ADGB: variants seen among roughly 807,000 people sequenced by gnomAD.
The protein encoded by ADGB is calpain-7-like protein.
ADGB carries 172 observed loss-of-function variants against 210.5 expected under a neutral mutation model. That is an observed-to-expected ratio of 0.82 (90% CI 0.72 to 0.93). ADGB has a LOEUF of 0.93. Ranked by LOEUF, ADGB falls within the 40% of genes least tolerant of loss-of-function variation. The probability of loss-of-function intolerance (pLI) is 0.00; values close to 1 mark genes in which losing one functional copy is unlikely to be tolerated. For synonymous variants in ADGB, 658 were observed against 662.7 expected (o/e 0.99, Z 0.11); for missense variants, 2,025 against 1,964.8 (o/e 1.03, Z -0.58).
Position 146,784,656 on chromosome 6 carries a change from A to G in ADGB, c.4074A>G (p.Lys1358=). The G allele has an allele frequency of 6.4e-7, 1 of 1,550,790 alleles. No homozygotes were observed. Among genetic ancestry groups the G allele is most frequent in the Non-Finnish European group, 8.7e-7 (1 of 1,146,550 alleles). The change falls in exon 31 of 36, where the codon AAA becomes AAG. Residue 1358 remains lysine, a synonymous_variant. Coordinates refer to ENST00000397944, the MANE Select transcript of ADGB (RefSeq NM_024694.4). ...TVHPQQEDPN[K]PYWILRLVTE... ...ACCCTCAACAAGAAGACCCAAATAAACCCTACTGGATTTTGAGGTTGGTCA... is the reference window on the plus strand; with the variant it reads ...ACCCTCAACAAGAAGACCCAAATAAGCCCTACTGGATTTTGAGGTTGGTCA...
At chr6:146,778,292 G>A (rs1228861459) in intron 29 of ADGB, among the ~76,000 whole-genome samples, 1 of 152,140 alleles carries the variant, frequency 6.6e-6, no homozygotes, top group African/African-American at 2.4e-5. Context: ...GCAACACCTG[G>A]AGGCAGGGGA....
chr6:146,752,677 T>C lies in ADGB; in HGVS notation c.3513T>C (p.Phe1171=). ...AAGGCCAAGCTATAATCCCAGCATT[T>C]CACTTCTTGAAGAGTGAGAAAGGTT... ...TGKGQAIIPA[F]HFLKSEKGLS... is the part of the protein sequence containing the mutation. Residue 1171 remains phenylalanine, a synonymous_variant, in exon 27 of 36, where the codon TTT becomes TTC. Coordinates refer to ENST00000397944, the MANE Select transcript of ADGB (RefSeq NM_024694.4). The C allele has an allele frequency of 6.4e-7, 1 of 1,550,726 alleles. No homozygotes were observed. The highest frequency in any genetic ancestry group is 2.4e-5 in the East Asian group (1 of 40,892).
At chr6:146,737,687 G>A (rs1777099833) in intron 23 of ADGB, among the ~76,000 whole-genome samples, 1 of 152,032 alleles carries the variant, frequency 6.6e-6, no homozygotes, top group African/African-American at 2.4e-5. Flanking sequence ...TGTATTTTGG[G>A]GCTACCAGGA....
chr6:146,713,004 T>C (rs974939051), intron 13 of ADGB, among the ~76,000 whole-genome samples: 1 of 151,808 alleles, frequency 6.6e-6, no homozygotes, highest in Non-Finnish European at 1.5e-5. Context: ...AATAATAAAG[T>C]ATTTCTGTTT....
At chr6:146,661,174 A>G (rs1352289702) in intron 5 of ADGB, among the ~76,000 whole-genome samples, 2 of 150,722 alleles carry the variant, frequency 1.3e-5, no homozygotes, top group Non-Finnish European at 3.0e-5. Context: ...CTCCTTTTCT[A>G]ATATAGCTTT....
At chr6:146,691,449 T>TATAAA (rs1776317889) in intron 11 of ADGB, among the ~76,000 whole-genome samples, 159 bp downstream of exon 11, 1 of 55,980 alleles carries the variant, frequency 1.8e-5, no homozygotes, top group Non-Finnish European at 2.6e-5. Flanking sequence ...TATAAAAATA[T>TATAAA]ATATATATAA....
chr6:146,691,467 T>A (rs9403806), intron 11 of ADGB, among the ~76,000 whole-genome samples, 177 bp downstream of exon 11: 7 of 58,052 alleles, frequency 1.2e-4, no homozygotes, highest in African/African-American at 9.7e-4. Flanking sequence ...TAAAAATATA[T>A]ATATATATAA....
intron 13 of ADGB, among the ~76,000 whole-genome samples, chr6:146,705,955 T>TC (rs1390464763): frequency 2.0e-5 from 3 of 152,088 alleles, no homozygotes; most frequent in Non-Finnish European, 4.4e-5. Context: ...ATAGGGTCTT[T>TC]CCCTGTTGCC....
intron 17 of ADGB, among the ~76,000 whole-genome samples, 199 bp from the exon 18 acceptor site, chr6:146,723,987 T>C (rs1022173378): frequency 1.3e-5 from 2 of 152,106 alleles, no homozygotes; most frequent in African/African-American, 2.4e-5. Flanking sequence ...AGGAAGAATA[T>C]TGAACAGGGA....
At chr6:146,716,104 A>G (rs1776729328) in intron 14 of ADGB, among the ~76,000 whole-genome samples, 1 of 152,054 alleles carries the variant, frequency 6.6e-6, no homozygotes, top group South Asian at 2.1e-4. Context: ...TAAATATAAA[A>G]TAAGGCTCTA....
intron 1 of ADGB, among the ~76,000 whole-genome samples, chr6:146,620,062 C>T (rs1237133386): frequency 6.6e-6 from 1 of 152,072 alleles, no homozygotes; most frequent in Non-Finnish European, 1.5e-5. Flanking sequence ...TACTGTTTGG[C>T]AGTATTTTTT....
intron 1 of ADGB, among the ~76,000 whole-genome samples, chr6:146,600,940 A>G (rs895138357): frequency 1.5e-4 from 22 of 151,492 alleles, no homozygotes; most frequent in African/African-American, 4.4e-4. Flanking sequence ...ACACACACAC[A>G]CACACACACA....
intron 3 of ADGB, among the ~76,000 whole-genome samples, chr6:146,645,830 T>G (rs1220376263): frequency 6.6e-6 from 1 of 152,032 alleles, no homozygotes; most frequent in Non-Finnish European, 1.5e-5. Flanking sequence ...ATTTTTTGAA[T>G]GCCTACTTAT....
chr6:146,718,634 T>G (rs867297141), intron 16 of ADGB, among the ~76,000 whole-genome samples: 2 of 152,234 alleles, frequency 1.3e-5, no homozygotes, highest in Non-Finnish European at 2.9e-5. Context: ...TCCGGGAAAC[T>G]AAACTGTACC....
At chr6:146,722,125 T>C (rs920558006) in intron 17 of ADGB, among the ~76,000 whole-genome samples, 4 of 152,200 alleles carry the variant, frequency 2.6e-5, no homozygotes, top group Non-Finnish European at 5.9e-5. Flanking sequence ...AAAAACGAAC[T>C]ATTTTTCTTT....
chr6:146,802,146 A>G (rs1778145134), intron 35 of ADGB, 135 bp downstream of exon 35: 2 of 569,176 alleles, frequency 3.5e-6, no homozygotes, highest in Non-Finnish European at 5.2e-6. Flanking sequence ...CACAACTTCT[A>G]GGAAAACATC....
intron 22 of ADGB, 147 bp downstream of exon 22, chr6:146,734,177 C>A: frequency 1.2e-6 from 1 of 849,632 alleles, no homozygotes; most frequent in Non-Finnish European, 1.8e-6. Context: ...AATCAGGAAG[C>A]ATGTCCAATG....
At chr6:146,704,356 GATTATT>G (rs990777175) in intron 13 of ADGB, among the ~76,000 whole-genome samples, 11 of 151,596 alleles carry the variant, frequency 7.3e-5, no homozygotes, top group African/African-American at 2.7e-4. Flanking sequence ...GTGCTTTAGG[GATTATT>G]TCTTAAAACT....
chr6:146,667,334 T>C (rs1245360989), intron 7 of ADGB, among the ~76,000 whole-genome samples: 3 of 152,062 alleles, frequency 2.0e-5, no homozygotes, highest in Non-Finnish European at 2.9e-5. Context: ...AGGCTGTTCA[T>C]GTAGATTCCT....
Sources: gnomAD v4.1 joint callset for allele counts (sites outside exome capture counted in the v4.1 genomes callset) on GRCh38, gnomAD v4.1.1 for gene constraint, MANE v1.5 for transcripts, NCBI Gene and HGNC (gene_info 2026-07-23, HGNC 2026-07-21) for gene names.